The following BTBD16 variants were observed in gnomAD, a reference collection of about 807,000 sequenced individuals.
The protein encoded by BTBD16 is BTB domain containing 16.
A neutral mutation model predicts 67.4 loss-of-function variants in BTBD16; 66 were observed. The ratio of observed to expected loss-of-function variants is 0.98; its 90% CI spans 0.80 to 1.20. BTBD16 has a LOEUF of 1.20. Ranked by LOEUF, BTBD16 falls within the 50% of genes most tolerant of loss-of-function variation. The pLI, the probability that BTBD16 is intolerant of heterozygous loss-of-function variation, is 0.00. For missense variants in BTBD16, 634 were observed against 616.0 expected (o/e 1.03, Z -0.31); for synonymous variants, 242 against 236.4 (o/e 1.02, Z -0.22).
chr10:122,322,958 C>T (rs939070216), intron 10 of BTBD16, among the ~76,000 whole-genome samples: 1 of 152,186 alleles, frequency 6.6e-6, no homozygotes, highest in Non-Finnish European at 1.5e-5. Flanking sequence ...GCATGGCTCC[C>T]GCACTGGCCA....
intron 10 of BTBD16, among the ~76,000 whole-genome samples, chr10:122,311,477 A>G (rs7893672): frequency 0.54 from 81,887 of 152,072 alleles, 22,652 homozygotes; most frequent in African/African-American, 0.67. Context: ...TAAATTTAAC[A>G]TCTCCTTGTA....
At chr10:122,336,714 C>G (rs778864347) in intron 15 of BTBD16, 32 bp downstream of exon 15, 6 of 1,531,948 alleles carry the variant, frequency 3.9e-6, no homozygotes, top group Non-Finnish European at 4.4e-6. Context: ...TCCTTTATTT[C>G]CTTTTTGCTC....
At chr10:122,330,976 A>T (rs966729912) in intron 11 of BTBD16, among the ~76,000 whole-genome samples, 200 bp from the exon 12 acceptor site, 2 of 152,186 alleles carry the variant, frequency 1.3e-5, no homozygotes, top group African/African-American at 4.8e-5. Flanking sequence ...TTTGGAATAT[A>T]AAAGTAATTG....
chr10:122,331,964 G>T (rs1016282086), intron 12 of BTBD16: 1 of 163,826 alleles, frequency 6.1e-6, no homozygotes, highest in East Asian at 1.8e-4. Context: ...CTGACAGAGA[G>T]GGGACAGTCT....
chr10:122,317,245 C>T (rs187696219), intron 10 of BTBD16, among the ~76,000 whole-genome samples: 42 of 152,312 alleles, frequency 2.8e-4, no homozygotes, highest in East Asian at 2.5e-3. Flanking sequence ...AACACAAACA[C>T]GTTATACAAG....
intron 4 of BTBD16, among the ~76,000 whole-genome samples, chr10:122,284,678 T>C (rs1045655194): frequency 1.6e-5 from 1 of 61,442 alleles, no homozygotes; most frequent in African/African-American, 1.1e-4. Context: ...AGTGGATTTT[T>C]TTTTTTTTTT....
At chr10:122,276,744 TG>T (rs1405537485) in intron 2 of BTBD16, 46 bp from the exon 3 acceptor site, 1 of 1,593,652 alleles carries the variant, frequency 6.3e-7, no homozygotes, top group Non-Finnish European at 8.6e-7. Context: ...GGCATTTATG[TG>T]AAGTTAGAAA....
intron 10 of BTBD16, among the ~76,000 whole-genome samples, chr10:122,310,423 G>T (rs186732019): frequency 6.6e-6 from 1 of 152,208 alleles, no homozygotes; most frequent in African/African-American, 2.4e-5. Flanking sequence ...GCTGGTGGCC[G>T]GAGGGCTCCA....
intron 7 of BTBD16, among the ~76,000 whole-genome samples, chr10:122,295,016 C>T (rs1343709108): frequency 6.6e-6 from 1 of 152,234 alleles, no homozygotes; most frequent in Non-Finnish European, 1.5e-5. Context: ...CTCTGCTGAC[C>T]GGTGAGGCCA....
intron 6 of BTBD16, 31 bp from the exon 7 acceptor site, chr10:122,291,049 A>G: frequency 1.3e-6 from 2 of 1,599,472 alleles, no homozygotes; most frequent in Non-Finnish European, 1.7e-6. Flanking sequence ...AGAGCCCCAC[A>G]CAGATGGCTC....
chr10:122,319,011 T>C (rs1213192436), intron 10 of BTBD16, among the ~76,000 whole-genome samples: 1 of 152,230 alleles, frequency 6.6e-6, no homozygotes, highest in Non-Finnish European at 1.5e-5. Context: ...ATATGCTTAT[T>C]TGTCCTTCAT....
chr10:122,290,511 C>T (rs74462604), intron 6 of BTBD16, among the ~76,000 whole-genome samples: 1,680 of 152,258 alleles, frequency 0.011, 38 homozygotes, highest in African/African-American at 0.039. Flanking sequence ...GTTTAGGAAT[C>T]GCTCGGTGAG....
At chr10:122,307,647 T>C (rs2096406033) in intron 10 of BTBD16, among the ~76,000 whole-genome samples, 2 of 152,036 alleles carry the variant, frequency 1.3e-5, no homozygotes, top group South Asian at 4.1e-4. Flanking sequence ...AAAAATCAGC[T>C]TTCTTAGGTT....
rs2096363622 is a variant in BTBD16 at position 122,286,265 on chromosome 10, A to G, written c.385+17A>G. On this transcript the variant is annotated intron_variant, in intron 5 of 15. Coordinates refer to ENST00000260723, the MANE Select transcript of BTBD16 (RefSeq NM_144587.5). Reference sequence around the variant, plus strand: ...TTCTGCGAGGTACTTCCTCCCTGGCACCCAGTGCTGGAGCCCCAGTGCCCT... The same window carrying G: ...TTCTGCGAGGTACTTCCTCCCTGGCGCCCAGTGCTGGAGCCCCAGTGCCCT... 2 of 1,595,394 alleles carry G rather than the reference A, an allele frequency of 1.3e-6. No individual in the cohort carries two copies. Among genetic ancestry groups the G allele is most frequent in the Admixed American group, 1.7e-5 (1 of 57,904 alleles).
intron 4 of BTBD16, among the ~76,000 whole-genome samples, chr10:122,284,673 A>ATTT (rs60823097): frequency 2.4e-5 from 3 of 124,690 alleles, no homozygotes; most frequent in African/African-American, 8.7e-5. Flanking sequence ...CTTAAAGTGG[A>ATTT]TTTTTTTTTT....
intron 3 of BTBD16, among the ~76,000 whole-genome samples, chr10:122,282,642 G>A (rs554701393): frequency 6.6e-6 from 1 of 152,210 alleles, no homozygotes; most frequent in Non-Finnish European, 1.5e-5. Flanking sequence ...GGCTTAACAC[G>A]ATGAGTCCAT....
chr10:122,338,148 A>T lies in BTBD16; in HGVS notation c.*63A>T. ...GGTCTGCATAAAAGAAAATAAAATGACATAAAAGGGAGCACTCAAGCATTC... is the reference window on the plus strand; with the variant it reads ...GGTCTGCATAAAAGAAAATAAAATGTCATAAAAGGGAGCACTCAAGCATTC... On this transcript the variant is annotated 3_prime_UTR_variant, in exon 16 of 16. Coordinates refer to ENST00000260723, the MANE Select transcript of BTBD16 (RefSeq NM_144587.5). 1.5e-6 allele frequency: 2 copies of T among 1,326,968 alleles called. No homozygotes were observed. The highest frequency in any genetic ancestry group is 2.1e-6 in the Non-Finnish European group (2 of 931,362). The allele number at this position is 1,326,968 out of a possible 1,614,324, so 82.2% of individuals were successfully genotyped here. A position where few individuals can be genotyped will look rare whatever the true frequency, so the allele number is the denominator to read the frequency against.
At chr10:122,279,129 A>C (rs1220784569) in intron 3 of BTBD16, among the ~76,000 whole-genome samples, 1 of 152,092 alleles carries the variant, frequency 6.6e-6, no homozygotes, top group African/African-American at 2.4e-5. Context: ...AGGGATGAAG[A>C]ATTGAAGTCA....
intron 14 of BTBD16, among the ~76,000 whole-genome samples, chr10:122,335,221 T>C (rs2133330517): frequency 6.6e-6 from 1 of 152,366 alleles, no homozygotes. Context: ...TGTGTTCATA[T>C]GGACTCTATT....
Sources: gnomAD v4.1 joint callset for allele counts (sites outside exome capture counted in the v4.1 genomes callset) on GRCh38, gnomAD v4.1.1 for gene constraint, MANE v1.5 for transcripts, NCBI Gene and HGNC (gene_info 2026-07-23, HGNC 2026-07-21) for gene names.